COL15A1: variants seen among roughly 807,000 people sequenced by gnomAD.
COL15A1 encodes collagen alpha-1(XV) chain.
Under a neutral mutation model 165.9 loss-of-function variants are expected in COL15A1, and 111 were observed. That is an observed-to-expected ratio of 0.67 (90% CI 0.57 to 0.78). The LOEUF (loss-of-function observed/expected upper bound fraction) is 0.78, where lower values mean the gene tolerates loss of function less well. Among genes scored for constraint, COL15A1 ranks in the 30% least tolerant of loss-of-function variants. The probability of loss-of-function intolerance (pLI) is 0.00; values close to 1 mark genes in which losing one functional copy is unlikely to be tolerated. For synonymous variants in COL15A1, 659 were observed against 674.8 expected, an observed-to-expected ratio of 0.98 and a Z score of 0.36; for missense variants, 1,745 against 1,789.7, an observed-to-expected ratio of 0.98 and a Z score of 0.45.
At chr9:99,038,447 G>C (rs1337997789) in intron 21 of COL15A1, among the ~76,000 whole-genome samples, 1 of 152,214 alleles carries the variant, frequency 6.6e-6, no homozygotes, top group Non-Finnish European at 1.5e-5. Context: ...TTCGTATATT[G>C]TGTGATTTAA....
chr9:99,000,686 C>T (rs1588509233), intron 6 of COL15A1, among the ~76,000 whole-genome samples, 153 bp from the exon 7 acceptor site: 1 of 152,238 alleles, frequency 6.6e-6, no homozygotes, highest in Non-Finnish European at 1.5e-5. Context: ...CATGCTTTGC[C>T]ATGTATGTTG....
chr9:99,020,840 C>T (rs1839015251), intron 12 of COL15A1, among the ~76,000 whole-genome samples: 1 of 152,204 alleles, frequency 6.6e-6, no homozygotes, highest in African/African-American at 2.4e-5. Flanking sequence ...TTTTGAGGAC[C>T]ACAGGCCTAG....
In COL15A1 at chr9:98,986,236, T is replaced by C. The variant is rs576422294; in HGVS notation, c.648+124T>C. On this transcript the variant is annotated intron_variant, in intron 3 of 41. Transcript: ENST00000375001. ...TGTCCTCAAAGAAGCATGCGTGTTA[T>C]GATGGGAAATAACACTAGGCCTGGA... 192 of 798,956 alleles carry C rather than the reference T, an allele frequency of 2.4e-4. 5 individuals are homozygous for C. The South Asian group carries it at 3.1e-3, about 13-fold the overall frequency. The allele number at this position is 798,956 out of a possible 1,614,324, so 49.5% of individuals were successfully genotyped here.
chr9:99,052,227 C>A (rs1349678261), intron 30 of COL15A1, among the ~76,000 whole-genome samples, 161 bp from the exon 31 acceptor site: 1 of 152,228 alleles, frequency 6.6e-6, no homozygotes, highest in African/African-American at 2.4e-5. Context: ...GCATTGACAA[C>A]TCCTGGGGAC....
At chr9:98,996,812 G>A (rs1838552898) in intron 5 of COL15A1, 122 bp from the exon 6 acceptor site, 2 of 1,451,668 alleles carry the variant, frequency 1.4e-6, no homozygotes, top group Admixed American at 2.0e-5. Flanking sequence ...GTGGGGCCAA[G>A]CTTTCCCCTT....
intron 9 of COL15A1, among the ~76,000 whole-genome samples, chr9:99,006,634 C>A (rs914993): frequency 0.059 from 8,916 of 151,806 alleles, 659 homozygotes; most frequent in African/African-American, 0.15. Flanking sequence ...CTTCTTCTTC[C>A]TCTTCCAGTT....
rs150484528 is a variant in COL15A1, at chr9:98,959,508, C to T, written c.100+15258C>T. 4.6e-5 allele frequency among the ~76,000 whole-genome samples: 7 copies of T among 152,178 alleles called. No homozygotes were observed. The East Asian group carries it at 1.4e-3, about 29-fold the overall frequency. ...GCTGCATACCATTCCAACACAGTCT[C>T]AAATGGAACCACTCTTAGAAATGAG... On this transcript the variant is annotated intron_variant, in intron 2 of 41. Transcript: ENST00000375001.
intron 2 of COL15A1, among the ~76,000 whole-genome samples, chr9:98,979,202 G>GTAAC (rs1172586107): frequency 6.6e-6 from 1 of 152,174 alleles, no homozygotes; most frequent in African/African-American, 2.4e-5. Flanking sequence ...TTTCACATAT[G>GTAAC]TAACTTTATC....
At chr9:98,981,911 C>T (rs1838240848) in intron 2 of COL15A1, among the ~76,000 whole-genome samples, 1 of 151,772 alleles carries the variant, frequency 6.6e-6, no homozygotes, top group Non-Finnish European at 1.5e-5. Context: ...CGCAAGTGAT[C>T]CTCCTGGCCC....
At chr9:99,031,294 G>A (rs1274847610) in intron 16 of COL15A1, among the ~76,000 whole-genome samples, 1 of 152,172 alleles carries the variant, frequency 6.6e-6, no homozygotes, top group African/African-American at 2.4e-5. Context: ...GAACTGGGTA[G>A]TGTGTCCCAA....
chr9:98,973,870 C>T (rs1467025099), intron 2 of COL15A1, among the ~76,000 whole-genome samples: 2 of 152,192 alleles, frequency 1.3e-5, no homozygotes, highest in African/African-American at 4.8e-5. Flanking sequence ...AGGAGGCAGA[C>T]GATGAGGCTG....
At chr9:99,000,449 C>T (rs749092397) in intron 6 of COL15A1, among the ~76,000 whole-genome samples, 3 of 151,612 alleles carry the variant, frequency 2.0e-5, no homozygotes, top group African/African-American at 4.9e-5. Flanking sequence ...ATTTTACACA[C>T]GTAAAACCAT....
chr9:98,973,352 G>A (rs539020042), intron 2 of COL15A1, among the ~76,000 whole-genome samples: 13 of 151,968 alleles, frequency 8.6e-5, no homozygotes, highest in Non-Finnish European at 1.6e-4. Context: ...AGAAGGAGGC[G>A]TTCTAAGTTT....
intron 9 of COL15A1, among the ~76,000 whole-genome samples, chr9:99,007,625 A>C (rs551140132): frequency 1.3e-5 from 2 of 152,300 alleles, no homozygotes; most frequent in Admixed American, 6.5e-5. Context: ...AAAAAGAAGA[A>C]CAATCCTGGA....
chr9:99,039,871 T>TGC (rs1839370504), intron 22 of COL15A1, among the ~76,000 whole-genome samples: 1 of 152,202 alleles, frequency 6.6e-6, no homozygotes, highest in Admixed American at 6.5e-5. Flanking sequence ...TTCACAGCTG[T>TGC]GCAATGCCGA....
chr9:99,056,962 TG>T (rs1470806892), intron 35 of COL15A1, among the ~76,000 whole-genome samples: 1 of 152,230 alleles, frequency 6.6e-6, no homozygotes, highest in Non-Finnish European at 1.5e-5. Flanking sequence ...CATGGACATT[TG>T]GGTTGTTTCT....
chr9:98,973,179 G>A (rs746028170), intron 2 of COL15A1, among the ~76,000 whole-genome samples: 4 of 152,174 alleles, frequency 2.6e-5, no homozygotes, highest in East Asian at 3.9e-4. Flanking sequence ...TCCTCAAATC[G>A]TCTTCTCCAG....
Position 99,035,022 on chromosome 9 carries a change from T to G in COL15A1, c.2088T>G (p.Pro696=), listed in dbSNP as rs144598952. Reference sequence around the variant, plus strand: ...TGCCCTCTTTCCTACAGGGTGACCCTGGCAACAGAGGCTTACCTGGACCCC... The same window carrying G: ...TGCCCTCTTTCCTACAGGGTGACCCGGGCAACAGAGGCTTACCTGGACCCC... ...PNGSVGEKGD[P]GNRGLPGPPG... is the part of the protein sequence containing the mutation. Residue 696 remains proline (P), a synonymous_variant, in exon 18 of 42, where the codon CCT becomes CCG. Transcript: ENST00000375001. 6.2e-6 allele frequency: 10 copies of G among 1,613,170 alleles called. No individual in the cohort carries two copies. Among genetic ancestry groups the G allele is most frequent in the Non-Finnish European group, 8.5e-6 (10 of 1,179,428 alleles).
intron 17 of COL15A1, 138 bp from the exon 18 acceptor site, chr9:99,034,876 G>T (rs1485877225): frequency 3.4e-6 from 3 of 890,664 alleles, no homozygotes; most frequent in Non-Finnish European, 5.4e-6. Context: ...AGCTGTTTCT[G>T]TACCATTAAG....
Sources: allele counts gnomAD v4.1 joint callset (sites outside exome capture counted in the v4.1 genomes callset), GRCh38; gene constraint gnomAD v4.1.1; transcripts MANE v1.5; gene names NCBI Gene and HGNC (gene_info 2026-07-23, HGNC 2026-07-21).